The following SEC14L5 variants were observed in gnomAD, a reference collection of about 807,000 sequenced individuals.
SEC14L5 encodes the protein SEC14 like lipid binding 5.
A neutral mutation model predicts 84.6 loss-of-function variants in SEC14L5; 96 were observed. The observed-to-expected ratio is 1.13, with a 90% confidence interval of 0.96 to 1.34. The LOEUF (loss-of-function observed/expected upper bound fraction) is 1.34. SEC14L5 is among the 40% of genes most tolerant of loss of function. SEC14L5 has a pLI of 0.00. For synonymous variants in SEC14L5, 546 were observed against 383.4 expected (o/e 1.42, Z -4.95); for missense variants, 1,224 against 942.5 (o/e 1.30, Z -3.91).
chr16:4,969,876 G>C, intron 2 of SEC14L5, among the ~76,000 whole-genome samples: 2 of 150,762 alleles, frequency 1.3e-5, no homozygotes, highest in South Asian at 4.2e-4. Context: ...GGGGTGCAGC[G>C]GCACGATCAC....
rs1359045795 is a variant in SEC14L5, at chr16:5,018,294, T to C, written c.*3324T>C. On this transcript the variant is annotated 3_prime_UTR_variant, in exon 16 of 16. Coordinates refer to ENST00000251170, the MANE Select transcript of SEC14L5 (RefSeq NM_014692.2). ...TCCTGAGGTCGCCTATCCCTGTTTT[T>C]CGTTATTGCACCCAGAGAAAAGTAG... 3.9e-5 allele frequency: 6 copies of C among 152,254 alleles called. No individual in the cohort carries two copies. Among genetic ancestry groups the C allele is most frequent in the African/African-American group, 1.4e-4 (6 of 41,466 alleles). The allele number at this position is 152,254 out of a possible 1,614,324, so 9.4% of individuals were successfully genotyped here. A position where few individuals can be genotyped will look rare whatever the true frequency, so the allele number is the denominator to read the frequency against.
At chr16:4,972,935 A>T (rs997738261) in intron 2 of SEC14L5, among the ~76,000 whole-genome samples, 1 of 152,216 alleles carries the variant, frequency 6.6e-6, no homozygotes, top group African/African-American at 2.4e-5. Context: ...TGGCAGTGCT[A>T]TGCTGTTGCT....
At chr16:4,987,498 G>GGAA (rs751262036) in intron 2 of SEC14L5, 59 bp from the exon 3 acceptor site, 7 of 667,676 alleles carry the variant, frequency 1.0e-5, no homozygotes, top group Non-Finnish European at 1.3e-5. Flanking sequence ...AGGTCGCGCT[G>GGAA]GGGGGGGGGG....
Position 4,989,963 on chromosome 16 carries a change from C to T in SEC14L5, c.346-804C>T, listed in dbSNP as rs191192893. 9.9e-5 allele frequency among the ~76,000 whole-genome samples: 15 copies of T among 152,176 alleles called. No individual in the cohort carries two copies. In the East Asian group the frequency reaches 2.7e-3, roughly 27 times the overall value. On this transcript the variant is annotated intron_variant, in intron 4 of 15. Coordinates refer to ENST00000251170, the MANE Select transcript of SEC14L5 (RefSeq NM_014692.2). ...GACTAGGTCTGGATCCATAAAGGAG[C>T]TCTGCCAATGAAGTTTTCTTTTTGC...
chr16:5,005,597 C>G (rs1281348069), intron 11 of SEC14L5, among the ~76,000 whole-genome samples: 1 of 151,886 alleles, frequency 6.6e-6, no homozygotes, highest in East Asian at 1.9e-4. Context: ...CGTGGTGGCT[C>G]ACACCTGTAA....
rs1955091182 is a variant in SEC14L5, at chr16:4,959,357, T to C, written c.34T>C (p.Tyr12His). 1.9e-6 allele frequency: 3 copies of C among 1,613,926 alleles called. No homozygotes were observed. The highest frequency in any genetic ancestry group is 2.5e-6 in the Non-Finnish European group (3 of 1,179,824). ...AAGATACCAGTCTCCTGTCCGAGTC[T>C]ACAAGTACCCGTTTGAGCTGGTCAT... ...VQRYQSPVRV[Y>H]KYPFELVMAA... is the part of the protein sequence containing the mutation. Residue 12 changes from tyrosine (Y) to histidine (H), a missense_variant, in exon 2 of 16, where the codon TAC (tyrosine) becomes CAC (histidine). Transcript: ENST00000251170.
chr16:5,014,513 G>A (rs1337056046), intron 15 of SEC14L5, among the ~76,000 whole-genome samples: 1 of 152,264 alleles, frequency 6.6e-6, no homozygotes, highest in East Asian at 1.9e-4. Flanking sequence ...CACTGCAAGA[G>A]CTAGGAGGAG....
chr16:4,979,641 A>G (rs1349525672), intron 2 of SEC14L5, among the ~76,000 whole-genome samples: 2 of 152,072 alleles, frequency 1.3e-5, no homozygotes, highest in East Asian at 3.9e-4. Context: ...ACCCCAGGAG[A>G]AGGCAAGGCA....
intron 2 of SEC14L5, among the ~76,000 whole-genome samples, chr16:4,963,025 A>G (rs1250237563): frequency 4.6e-5 from 7 of 152,144 alleles, no homozygotes; most frequent in Admixed American, 4.6e-4. Context: ...GAACTCAGCT[A>G]TTTTCACTGC....
chr16:5,006,920 A>C (rs1955738101), intron 12 of SEC14L5, among the ~76,000 whole-genome samples: 2 of 151,652 alleles, frequency 1.3e-5, no homozygotes, highest in Non-Finnish European at 2.9e-5. Context: ...GTTTGGGGAA[A>C]TCTCTCGATG....
At chr16:5,011,623 T>G (rs1955805591) in intron 15 of SEC14L5, among the ~76,000 whole-genome samples, 1 of 152,226 alleles carries the variant, frequency 6.6e-6, no homozygotes, top group Admixed American at 6.5e-5. Context: ...TAGAATATTC[T>G]AAAAGGGTGC....
At chr16:4,998,556 G>A (rs1022671278) in intron 8 of SEC14L5, among the ~76,000 whole-genome samples, 2 of 148,588 alleles carry the variant, frequency 1.3e-5, no homozygotes, top group African/African-American at 4.9e-5. Flanking sequence ...GGCTAAAACG[G>A]TGAAACCCCG....
chr16:4,991,650 C>T (rs758269691), intron 5 of SEC14L5, among the ~76,000 whole-genome samples, 188 bp from the exon 6 acceptor site: 10 of 152,194 alleles, frequency 6.6e-5, no homozygotes, highest in Admixed American at 5.2e-4. Context: ...TCGTACCAAG[C>T]CTTGGAAATT....
intron 8 of SEC14L5, among the ~76,000 whole-genome samples, chr16:4,997,379 C>T (rs1453095909): frequency 1.3e-5 from 2 of 152,222 alleles, no homozygotes; most frequent in Admixed American, 1.3e-4. Context: ...GGATTACAGG[C>T]ATGAGCCACC....
At chr16:4,972,262 C>T (rs910664205) in intron 2 of SEC14L5, among the ~76,000 whole-genome samples, 2 of 152,284 alleles carry the variant, frequency 1.3e-5, no homozygotes, top group Middle Eastern at 3.4e-3. Context: ...CTTGGCCTCC[C>T]AATGTGCTGG....
At chr16:4,987,192 T>A (rs557735166) in intron 2 of SEC14L5, among the ~76,000 whole-genome samples, 2 of 113,070 alleles carry the variant, frequency 1.8e-5, no homozygotes, top group African/African-American at 6.6e-5. Context: ...TATTCCTAGT[T>A]TATTGAATCT....
intron 2 of SEC14L5, among the ~76,000 whole-genome samples, chr16:4,985,164 G>A (rs1456958885): frequency 6.6e-6 from 1 of 152,052 alleles, no homozygotes; most frequent in East Asian, 1.9e-4. Flanking sequence ...TTATTCATAT[G>A]TTTTCTTCTA....
At chr16:4,996,546 G>C (rs574313402) in intron 7 of SEC14L5, 86 bp downstream of exon 7, 11 of 701,052 alleles carry the variant, frequency 1.6e-5, no homozygotes, top group Non-Finnish European at 2.8e-5. Flanking sequence ...AAGGCGAGAT[G>C]ATAATGCTGA....
chr16:4,973,179 G>A (rs569689820), intron 2 of SEC14L5, among the ~76,000 whole-genome samples: 1 of 152,266 alleles, frequency 6.6e-6, no homozygotes, highest in South Asian at 2.1e-4. Context: ...GGCAGAGCTG[G>A]GGTCACATGT....
Sources: gnomAD v4.1 joint callset for allele counts (sites outside exome capture counted in the v4.1 genomes callset) on GRCh38, gnomAD v4.1.1 for gene constraint, MANE v1.5 for transcripts, NCBI Gene and HGNC (gene_info 2026-07-23, HGNC 2026-07-21) for gene names.